Variants in DPP6 observed in about 807,000 individuals in gnomAD.
DPP6 encodes dipeptidyl peptidase like 6.
In DPP6, 69 loss-of-function variants were observed where a neutral mutation model predicts 122.6. The ratio of observed to expected loss-of-function variants is 0.56; its 90% CI spans 0.46 to 0.69. DPP6 has a LOEUF of 0.69. Among genes scored for constraint, DPP6 ranks in the 30% least tolerant of loss-of-function variants. The probability of loss-of-function intolerance (pLI) is 0.00; values close to 1 mark genes in which losing one functional copy is unlikely to be tolerated. For missense variants in DPP6, 928 were observed against 1,116.9 expected, an observed-to-expected ratio of 0.83 and a Z score of 2.41; for synonymous variants, 418 against 433.1, an observed-to-expected ratio of 0.97 and a Z score of 0.43.
chr7:154,315,448 T>A (rs998375268), intron 1 of DPP6, among the ~76,000 whole-genome samples: 1 of 152,086 alleles, frequency 6.6e-6, no homozygotes, highest in Non-Finnish European at 1.5e-5. Context: ...TCCCTACAAT[T>A]TTTTGAGTTC....
At chr7:154,036,669 C>T (rs1278823258) in intron 1 of DPP6, among the ~76,000 whole-genome samples, 1 of 151,744 alleles carries the variant, frequency 6.6e-6, no homozygotes, top group Non-Finnish European at 1.5e-5. Context: ...AGCAGATGGA[C>T]CACTTCGCAT....
At position 154,410,747 on chromosome 7, in the gene DPP6, A is replaced by G. The variant is rs137924404; in HGVS notation, c.244-35467A>G. Among the ~76,000 whole-genome samples, 48 of 152,368 alleles carry G rather than the reference A, an allele frequency of 3.2e-4. No individual in the cohort carries two copies. In the East Asian group the frequency reaches 9.1e-3, roughly 29 times the overall value. On this transcript the variant is annotated intron_variant, in intron 1 of 25. Transcript: ENST00000377770. Reference sequence around the variant, plus strand: ...CTGTTAATAAGCATTAAAGTCCCACAGCATGCAATATTTTGTTTCTTCCCT... The same window carrying G: ...CTGTTAATAAGCATTAAAGTCCCACGGCATGCAATATTTTGTTTCTTCCCT...
chr7:154,717,206 C>T (rs1373909186), intron 7 of DPP6, among the ~76,000 whole-genome samples: 1 of 152,146 alleles, frequency 6.6e-6, no homozygotes, highest in African/African-American at 2.4e-5. Context: ...TCAGCTCGAA[C>T]ATTTATCATT....
chr7:154,350,873 C>A (rs58620393), intron 1 of DPP6, among the ~76,000 whole-genome samples: 1 of 152,058 alleles, frequency 6.6e-6, no homozygotes, highest in African/African-American at 2.4e-5. Context: ...GGCTTAGGAG[C>A]TGGAGATCAC....
Position 154,887,690 on chromosome 7 carries a change from G to A in DPP6, c.2260G>A (p.Glu754Lys). The change falls in exon 23 of 26, where the codon GAG (glutamate) becomes AAG (lysine). Residue 754 changes from glutamate (E) to lysine (K), a missense_variant. Physicochemically the swap from Glu to Lys is moderately conservative, Grantham distance 56. Coordinates refer to ENST00000377770, the MANE Select transcript of DPP6 (RefSeq NM_130797.4). Reference sequence around the variant, plus strand: ...CTTCCGTGCAGCCTCTGCGTTTTCCGAGAGGTACTTGGGCCTCCATGGACT... The same window carrying A: ...CTTCCGTGCAGCCTCTGCGTTTTCCAAGAGGTACTTGGGCCTCCATGGACT... ...DFKLYASAFS[E>K]RYLGLHGLDN... 1.9e-6 allele frequency: 3 copies of A among 1,613,916 alleles called. No homozygotes were observed. Among genetic ancestry groups the A allele is most frequent in the Non-Finnish European group, 2.5e-6 (3 of 1,179,832 alleles).
intron 4 of DPP6, among the ~76,000 whole-genome samples, chr7:154,557,560 CT>C (rs1033917172): frequency 2.0e-5 from 3 of 152,114 alleles, no homozygotes; most frequent in African/African-American, 7.2e-5. Flanking sequence ...CTAAAATTTG[CT>C]TCTTGGCATC....
At chr7:154,570,206 A>C (rs73483859) in intron 5 of DPP6, among the ~76,000 whole-genome samples, 2 of 152,084 alleles carry the variant, frequency 1.3e-5, no homozygotes, top group South Asian at 4.1e-4. Context: ...CAGATCATTA[A>C]GGAGTTTAGA....
chr7:153,810,660 CCT>C, the DPP6 span, among the ~76,000 whole-genome samples: 1 of 65,008 alleles, frequency 1.5e-5, no homozygotes, highest in East Asian at 6.4e-4. Context: ...CGCTCCCTCT[CCT>C]CTCTCTCTCC....
chr7:154,562,529 A>C (rs1044863578), intron 4 of DPP6, among the ~76,000 whole-genome samples: 1 of 152,166 alleles, frequency 6.6e-6, no homozygotes, highest in East Asian at 1.9e-4. Context: ...CCTCAAGATT[A>C]GGGAAAAAAG....
At chr7:153,797,763 C>T in the DPP6 span, among the ~76,000 whole-genome samples, 1 of 152,138 alleles carries the variant, frequency 6.6e-6, no homozygotes, top group East Asian at 1.9e-4. Flanking sequence ...TTCTTTCTTC[C>T]TGGCTTATAG....
chr7:154,429,959 A>G (rs1227119365), intron 1 of DPP6, among the ~76,000 whole-genome samples: 2 of 152,150 alleles, frequency 1.3e-5, no homozygotes, highest in African/African-American at 2.4e-5. Flanking sequence ...TTTCTGGAAT[A>G]CAGGCCATCC....
intron 1 of DPP6, among the ~76,000 whole-genome samples, chr7:154,132,377 C>G (rs1379207950): frequency 1.3e-5 from 2 of 152,302 alleles, no homozygotes; most frequent in Middle Eastern, 3.4e-3. Flanking sequence ...GCTTAACCCA[C>G]AGGGCACCTG....
chr7:153,942,882 A>C (rs1487912181), intron 1 of DPP6, among the ~76,000 whole-genome samples: 1 of 152,170 alleles, frequency 6.6e-6, no homozygotes, highest in Non-Finnish European at 1.5e-5. Context: ...AATCACAGTG[A>C]GTGTGGTGCT....
intron 1 of DPP6, among the ~76,000 whole-genome samples, chr7:154,391,752 G>A (rs1040446558): frequency 6.6e-6 from 1 of 152,164 alleles, no homozygotes; most frequent in Non-Finnish European, 1.5e-5. Context: ...AAGTGTGGGT[G>A]CTGATGAAGG....
chr7:154,539,480 T>G (rs1417191954), intron 3 of DPP6, among the ~76,000 whole-genome samples: 1 of 152,158 alleles, frequency 6.6e-6, no homozygotes, highest in East Asian at 1.9e-4. Context: ...CAGGGCCTGT[T>G]GTACGGTGGG....
intron 1 of DPP6, among the ~76,000 whole-genome samples, chr7:153,921,635 C>CTGT (rs1172589210): frequency 6.6e-6 from 1 of 152,230 alleles, no homozygotes; most frequent in East Asian, 1.9e-4. Flanking sequence ...ATATACCTGA[C>CTGT]TGTTTTCATC....
At chr7:153,844,028 A>G in the DPP6 span, among the ~76,000 whole-genome samples, 1 of 152,160 alleles carries the variant, frequency 6.6e-6, no homozygotes, top group Non-Finnish European at 1.5e-5. Context: ...GTCGCATTCC[A>G]TTCCCAGAGC....
intron 10 of DPP6, among the ~76,000 whole-genome samples, chr7:154,776,187 C>T (rs1796547707): frequency 8.8e-6 from 1 of 113,672 alleles, no homozygotes; most frequent in Admixed American, 8.7e-5. Context: ...CCTCAGAAGC[C>T]CCCATGATAG....
chr7:154,226,476 A>G (rs1051662229), intron 1 of DPP6, among the ~76,000 whole-genome samples: 1 of 152,230 alleles, frequency 6.6e-6, no homozygotes, highest in African/African-American at 2.4e-5. Flanking sequence ...ATCACTGTCA[A>G]GGGATTACTC....
Sources: gnomAD v4.1 joint callset for allele counts (sites outside exome capture counted in the v4.1 genomes callset) on GRCh38, gnomAD v4.1.1 for gene constraint, MANE v1.5 for transcripts, NCBI Gene and HGNC (gene_info 2026-07-23, HGNC 2026-07-21) for gene names.